Variants in NUFIP1 observed in about 807,000 individuals in gnomAD.
NUFIP1 encodes nuclear FMR1 interacting protein 1, also known as FMR1-interacting protein NUFIP1.
A neutral mutation model predicts 56.2 loss-of-function variants in NUFIP1; 38 were observed. The ratio of observed to expected loss-of-function variants is 0.68; its 90% CI spans 0.52 to 0.89. NUFIP1 has a LOEUF of 0.89. NUFIP1 is among the 40% of genes least tolerant of loss of function. NUFIP1 has a pLI of 0.00. For synonymous variants in NUFIP1, 215 were observed against 212.4 expected, an observed-to-expected ratio of 1.01 and a Z score of -0.10; for missense variants, 567 against 605.8, an observed-to-expected ratio of 0.94 and a Z score of 0.67.
At chr13:44,953,497 A>G (rs536816689) in intron 7 of NUFIP1, among the ~76,000 whole-genome samples, 8 of 152,088 alleles carry the variant, frequency 5.3e-5, no homozygotes, top group Non-Finnish European at 1.0e-4. Flanking sequence ...TTATTTATTT[A>G]TTTAGGCACT....
At chr13:44,964,601 G>C (rs906434525) in intron 6 of NUFIP1, among the ~76,000 whole-genome samples, 1 of 152,148 alleles carries the variant, frequency 6.6e-6, no homozygotes, top group African/African-American at 2.4e-5. Flanking sequence ...GGATGTACCT[G>C]AGAGGAAAAA....
chr13:44,945,469 TAA>T (rs1870875656), intron 8 of NUFIP1, among the ~76,000 whole-genome samples: 1 of 151,732 alleles, frequency 6.6e-6, no homozygotes, highest in African/African-American at 2.4e-5. Context: ...CACAAACCCT[TAA>T]AAAAGAGGAG....
At chr13:44,944,146 A>T (rs1374097413) in intron 8 of NUFIP1, among the ~76,000 whole-genome samples, 2 of 152,212 alleles carry the variant, frequency 1.3e-5, no homozygotes, top group South Asian at 2.1e-4. Context: ...TACACTGTAA[A>T]ATCTTAAATT....
Position 44,989,424 on chromosome 13 carries a change from T to TC in NUFIP1, c.12dup (p.Thr5AspfsTer2). On this transcript the variant is annotated frameshift_variant, in exon 1 of 10. Coordinates refer to ENST00000379161, the MANE Select transcript of NUFIP1 (RefSeq NM_012345.3). LOFTEE classifies it high-confidence loss of function. ...CCGATAGGAGTCTCGAAATCACTAGTCGGCTCAGCCATACCACTGGCGGGT... is the reference window on the plus strand; with the variant it reads ...CCGATAGGAGTCTCGAAATCACTAGTCCGGCTCAGCCATACCACTGGCGGGT... The TC allele has an allele frequency of 6.2e-7, 1 of 1,613,384 alleles. No homozygotes were observed. The highest frequency in any genetic ancestry group is 8.5e-7 in the Non-Finnish European group (1 of 1,179,782).
rs962537902 is a variant in NUFIP1, at chr13:44,945,203, T to A, written c.1139-1529A>T. The stretch of plus-strand genomic sequence containing the variant: ...TAAAAGAGGAGGACATCATTATAGA[T>A]CCTACAGATATCACAGGAAATATTA... On this transcript the variant is annotated intron_variant, in intron 8 of 9. Transcript: ENST00000379161. Among the ~76,000 whole-genome samples, 26 of 151,982 alleles carry A rather than the reference T, an allele frequency of 1.7e-4. 1 individual carries two copies. Among genetic ancestry groups the A allele is most frequent in the Non-Finnish European group, 2.9e-5 (2 of 67,856 alleles).
chr13:44,967,454 G>A (rs1442039910), intron 5 of NUFIP1, among the ~76,000 whole-genome samples: 1 of 151,968 alleles, frequency 6.6e-6, no homozygotes, highest in Non-Finnish European at 1.5e-5. Context: ...GTTGCAGTGA[G>A]CTGAGATCAC....
chr13:44,944,899 CT>C (rs1870860820), intron 8 of NUFIP1, among the ~76,000 whole-genome samples: 1 of 151,994 alleles, frequency 6.6e-6, no homozygotes, highest in African/African-American at 2.4e-5. Flanking sequence ...TGGACTACAG[CT>C]AAAGCAGTTC....
intron 6 of NUFIP1, among the ~76,000 whole-genome samples, chr13:44,964,446 T>C (rs939035232): frequency 6.6e-6 from 1 of 152,190 alleles, no homozygotes; most frequent in Non-Finnish European, 1.5e-5. Flanking sequence ...AATAAATGAA[T>C]AGTGAACCCT....
At chr13:44,949,888 T>G (rs944954145) in intron 7 of NUFIP1, 50 bp from the exon 8 acceptor site, 12 of 1,152,926 alleles carry the variant, frequency 1.0e-5, no homozygotes, top group Middle Eastern at 1.9e-4. Flanking sequence ...ATAAAAAAGC[T>G]GTCCATCCCC....
At chr13:44,966,337 C>T (rs1051620938) in intron 5 of NUFIP1, among the ~76,000 whole-genome samples, 18 of 152,024 alleles carry the variant, frequency 1.2e-4, no homozygotes, top group Admixed American at 9.8e-4. Context: ...ATTTTTGAGT[C>T]GGAGTCTCGT....
chr13:44,982,758 G>T (rs1487177125), intron 1 of NUFIP1, among the ~76,000 whole-genome samples: 1 of 151,972 alleles, frequency 6.6e-6, no homozygotes, highest in Non-Finnish European at 1.5e-5. Context: ...TATAATCCTA[G>T]CACTTTGGGA....
At chr13:44,954,344 T>TC (rs955014041) in intron 7 of NUFIP1, among the ~76,000 whole-genome samples, 7 of 151,528 alleles carry the variant, frequency 4.6e-5, no homozygotes, top group Non-Finnish European at 7.4e-5. Context: ...GTTCCCACCA[T>TC]CCCCCCCTAA....
At chr13:44,981,609 G>A (rs1049445044) in intron 2 of NUFIP1, among the ~76,000 whole-genome samples, 3 of 152,010 alleles carry the variant, frequency 2.0e-5, no homozygotes, top group South Asian at 2.1e-4. Context: ...TCAGGAGTTC[G>A]AGACCAGCCT....
At chr13:44,962,721 T>C (rs1326061178) in intron 6 of NUFIP1, among the ~76,000 whole-genome samples, 1 of 152,232 alleles carries the variant, frequency 6.6e-6, no homozygotes, top group Non-Finnish European at 1.5e-5. Flanking sequence ...ACTCGCTGAC[T>C]CACCCAAGGC....
chr13:44,989,401 G>C lies in NUFIP1; in HGVS notation c.36C>G (p.Ile12Met). Reference protein sequence around the residue: ...AEPTSDFETPIGWHASPELTP... With the variant: ...AEPTSDFETPMGWHASPELTP... ...TCAGCTCGGGAGACGCATGCCACCC[G>C]ATAGGAGTCTCGAAATCACTAGTCG... The change falls in exon 1 of 10, where the codon ATC becomes ATG. Residue 12 changes from isoleucine to methionine, a missense_variant. Ile to Met is a conservative substitution (Grantham distance 10). Transcript: ENST00000379161. The C allele has an allele frequency of 6.2e-7, 1 of 1,613,616 alleles. No individual in the cohort carries two copies. The highest frequency in any genetic ancestry group is 1.3e-5 in the African/African-American group (1 of 75,032).
Position 44,949,716 on chromosome 13 carries a change from A to T in NUFIP1, c.1138+6T>A. On this transcript the variant is annotated splice_donor_region_variant and intron_variant, in intron 8 of 9. Transcript: ENST00000379161. ...AAACCCTGTAACAACACACACCATG[A>T]CTTACCTTCTGGCTCACTCTCTGAC... is the stretch of plus-strand genomic sequence containing the variant. 2 of 1,566,000 alleles carry T rather than the reference A, an allele frequency of 1.3e-6. No individual in the cohort carries two copies. Among genetic ancestry groups the T allele is most frequent in the South Asian group, 1.2e-5 (1 of 86,792 alleles).
intron 4 of NUFIP1, among the ~76,000 whole-genome samples, chr13:44,979,642 C>G (rs1394653165): frequency 6.6e-6 from 1 of 152,148 alleles, no homozygotes; most frequent in Non-Finnish European, 1.5e-5. Flanking sequence ...AATTTGGAGT[C>G]AAGAAACTGA....
intron 1 of NUFIP1, among the ~76,000 whole-genome samples, chr13:44,984,492 A>C (rs1872311474): frequency 6.6e-6 from 1 of 152,054 alleles, no homozygotes; most frequent in Admixed American, 6.6e-5. Context: ...AATACAAAAA[A>C]TTAGCCAGGT....
Position 44,964,994 on chromosome 13 carries a change from T to C in NUFIP1, c.827+850A>G, listed in dbSNP as rs183976179. Among the ~76,000 whole-genome samples the C allele has an allele frequency of 2.9e-3, 436 of 152,282 alleles. 3 individuals carry two copies. Among genetic ancestry groups the C allele is most frequent in the Middle Eastern group, 0.027 (8 of 294 alleles). ...AAGAACATTTATAGAAACACAAAAA[T>C]ATACAGCACCTGATGTGGTTTGGTT... On this transcript the variant is annotated intron_variant, in intron 6 of 9. Coordinates refer to ENST00000379161, the MANE Select transcript of NUFIP1 (RefSeq NM_012345.3).
Sources: gnomAD v4.1 joint callset for allele counts (sites outside exome capture counted in the v4.1 genomes callset) on GRCh38, gnomAD v4.1.1 for gene constraint, MANE v1.5 for transcripts, NCBI Gene and HGNC (gene_info 2026-07-23, HGNC 2026-07-21) for gene names.